The following LRBA variants were observed in gnomAD, a reference collection of about 807,000 sequenced individuals.
LRBA encodes the protein lipopolysaccharide-responsive and beige-like anchor protein.
In LRBA, 176 loss-of-function variants were observed where a neutral mutation model predicts 330.0. The observed-to-expected ratio is 0.53, with a 90% confidence interval of 0.47 to 0.60. The LOEUF is 0.60. Among genes scored for constraint, LRBA ranks in the 20% least tolerant of loss-of-function variants. The probability of loss-of-function intolerance (pLI) is 0.00; values close to 1 mark genes in which losing one functional copy is unlikely to be tolerated. For synonymous variants in LRBA, 1,230 were observed against 1,193.0 expected, an observed-to-expected ratio of 1.03 and a Z score of -0.64; for missense variants, 3,259 against 3,444.8, an observed-to-expected ratio of 0.95 and a Z score of 1.35.
chr4:150,949,614 C>T (rs1045631242), intron 2 of LRBA, among the ~76,000 whole-genome samples: 1 of 151,942 alleles, frequency 6.6e-6, no homozygotes, highest in African/African-American at 2.4e-5. Context: ...AATAGAAGAC[C>T]TAGTTTTAAA....
chr4:150,360,162 T>A (rs1006508835), intron 47 of LRBA, among the ~76,000 whole-genome samples: 10 of 151,850 alleles, frequency 6.6e-5, no homozygotes, highest in Admixed American at 1.3e-4. Flanking sequence ...TTATAAAAAA[T>A]TTTTTTTAAA....
At chr4:150,325,296 C>T (rs1284755806) in intron 49 of LRBA, among the ~76,000 whole-genome samples, 4 of 152,136 alleles carry the variant, frequency 2.6e-5, no homozygotes, top group African/African-American at 9.7e-5. Flanking sequence ...AAATACAATA[C>T]ATGATTGTTT....
At chr4:150,703,115 C>A (rs1011761955) in intron 36 of LRBA, among the ~76,000 whole-genome samples, 1 of 152,132 alleles carries the variant, frequency 6.6e-6, no homozygotes. Flanking sequence ...GAGCCAAGAT[C>A]GCACCACTAC....
intron 17 of LRBA, among the ~76,000 whole-genome samples, chr4:150,886,818 C>T (rs1012619130): frequency 6.6e-6 from 1 of 152,108 alleles, no homozygotes; most frequent in Non-Finnish European, 1.5e-5. Flanking sequence ...GAAGATTACG[C>T]AACATACAAA....
intron 47 of LRBA, among the ~76,000 whole-genome samples, chr4:150,358,937 A>C (rs1419838066): frequency 1.3e-5 from 2 of 152,226 alleles, no homozygotes; most frequent in East Asian, 3.9e-4. Flanking sequence ...AAAAACAAGG[A>C]GCTGTCTGCA....
chr4:150,582,861 G>A (rs1172371459), intron 40 of LRBA: 2 of 648,702 alleles, frequency 3.1e-6, no homozygotes, highest in African/African-American at 1.8e-5. Flanking sequence ...AAAACAAGCC[G>A]GCTACGGTAT....
rs1747244370 is a variant in LRBA at position 150,279,574 on chromosome 4, AATC to A, written c.8317-1573_8317-1571del. ...TCACTGTTTGACATATCTTTTAAAA[AATC>A]ATAGAAAGGCAAAGACTTTCTTAGC... is the stretch of plus-strand genomic sequence containing the variant. On this transcript the variant is annotated intron_variant, in intron 55 of 56. Coordinates refer to ENST00000651943, the MANE Select transcript of LRBA (RefSeq NM_001364905.1). Among the ~76,000 whole-genome samples, 7 of 152,354 alleles carry A rather than the reference AATC, an allele frequency of 4.6e-5. No individual in the cohort carries two copies. In the South Asian group the frequency reaches 1.4e-3, roughly 32 times the overall value.
intron 40 of LRBA, among the ~76,000 whole-genome samples, chr4:150,520,580 T>C (rs1762819554): frequency 6.6e-6 from 1 of 152,164 alleles, no homozygotes; most frequent in Admixed American, 6.5e-5. Flanking sequence ...ATGTGGTACA[T>C]ATACACCATG....
intron 22 of LRBA, among the ~76,000 whole-genome samples, chr4:150,864,245 C>T (rs878867575): frequency 1.3e-5 from 2 of 151,910 alleles, no homozygotes; most frequent in Admixed American, 6.6e-5. Flanking sequence ...CAACACTTTA[C>T]ATTCTTAAAA....
At chr4:150,788,702 A>C (rs1226770296) in intron 34 of LRBA, among the ~76,000 whole-genome samples, 1 of 151,484 alleles carries the variant, frequency 6.6e-6, no homozygotes, top group Non-Finnish European at 1.5e-5. Flanking sequence ...CAGAGGTTGC[A>C]GTGAGCAGAG....
At position 150,921,305 on chromosome 4, in the gene LRBA, AT is replaced by A. The variant is rs1375085381; in HGVS notation, c.550-13del. 2 of 1,517,484 alleles carry A rather than the reference AT, an allele frequency of 1.3e-6. No individual in the cohort carries two copies. The highest frequency in any genetic ancestry group is 2.3e-5 in the South Asian group (2 of 88,778). The allele number at this position is 1,517,484 out of a possible 1,614,324, so 94.0% of individuals were successfully genotyped here. Reference sequence around the variant, plus strand: ...CCAGCATGTGGAGGCTATGAAGATAATTAACAATTCATTAACCACATTATTT... The same window carrying A: ...CCAGCATGTGGAGGCTATGAAGATAATAACAATTCATTAACCACATTATTT... On this transcript the variant is annotated splice_polypyrimidine_tract_variant and intron_variant, in intron 4 of 56. Transcript: ENST00000651943.
At chr4:150,642,063 A>T (rs186041349) in intron 37 of LRBA, among the ~76,000 whole-genome samples, 1 of 152,170 alleles carries the variant, frequency 6.6e-6, no homozygotes, top group African/African-American at 2.4e-5. Flanking sequence ...TTAATACAGT[A>T]TTCTAAGTTT....
intron 36 of LRBA, among the ~76,000 whole-genome samples, chr4:150,702,201 C>A (rs1236007517): frequency 6.6e-6 from 1 of 152,064 alleles, no homozygotes; most frequent in Non-Finnish European, 1.5e-5. Flanking sequence ...GTATTTTAAC[C>A]ACTAAATGAG....
chr4:150,914,906 T>C (rs1051159984), intron 8 of LRBA, among the ~76,000 whole-genome samples: 15 of 152,254 alleles, frequency 9.9e-5, no homozygotes, highest in African/African-American at 3.6e-4. Context: ...GAGGTATGAA[T>C]ATTTTATGTC....
At chr4:150,385,123 CATT>C (rs1213315133) in intron 47 of LRBA, among the ~76,000 whole-genome samples, 1 of 152,164 alleles carries the variant, frequency 6.6e-6, no homozygotes, top group East Asian at 1.9e-4. Context: ...GTATTCGAAT[CATT>C]GTATGTAAAA....
rs1745068801 is a variant in LRBA at position 150,264,540 on chromosome 4, A to C, written c.*1182T>G. On this transcript the variant is annotated 3_prime_UTR_variant, in exon 57 of 57. Transcript: ENST00000651943. Reference sequence around the variant, plus strand: ...TTCAATTACAGATGCCATTTTATTCAGCTTTTTCTGTCAAACTGAATTGTT... The same window carrying C: ...TTCAATTACAGATGCCATTTTATTCCGCTTTTTCTGTCAAACTGAATTGTT... The C allele has an allele frequency of 6.6e-6, 1 of 152,274 alleles. No homozygotes were observed. Among genetic ancestry groups the C allele is most frequent in the South Asian group, 2.1e-4 (1 of 4,834 alleles). 9.4% of individuals were successfully genotyped at this position (152,274 alleles called of 1,614,324 possible).
At position 150,850,739 on chromosome 4, in the gene LRBA, A is replaced by G. The variant is rs781639504; in HGVS notation, c.3989T>C (p.Ile1330Thr). The change falls in exon 24 of 57, where the codon ATA becomes ACA. Residue 1330 changes from isoleucine (I) to threonine (T), a missense_variant. Physicochemically the swap from Ile to Thr is moderately conservative, Grantham distance 89. Transcript: ENST00000651943. ...ATAGACAAACCTTCTCCACATCTGT[A>G]TATCTGTTTCTATTGAAAATAATAG... ...TDLLFSIETDIQMWRSHSTKT... is the reference protein window; with the variant it reads ...TDLLFSIETDTQMWRSHSTKT... 9.9e-6 allele frequency: 16 copies of G among 1,610,742 alleles called. No homozygotes were observed. The highest frequency in any genetic ancestry group is 5.0e-5 in the Admixed American group (3 of 59,870).
intron 40 of LRBA, among the ~76,000 whole-genome samples, chr4:150,508,385 C>T (rs766614512): frequency 1.3e-4 from 20 of 151,822 alleles, no homozygotes; most frequent in Admixed American, 4.6e-4. Context: ...TGGGTTCAGA[C>T]GATTCTCCTG....
chr4:150,393,977 A>C (rs1744369500), intron 47 of LRBA, among the ~76,000 whole-genome samples: 1 of 152,228 alleles, frequency 6.6e-6, no homozygotes, highest in African/African-American at 2.4e-5. Context: ...ATGCCCTTGT[A>C]AGAAATGCAG....
Sources: gnomAD v4.1 joint callset for allele counts (sites outside exome capture counted in the v4.1 genomes callset) on GRCh38, gnomAD v4.1.1 for gene constraint, MANE v1.5 for transcripts, NCBI Gene and HGNC (gene_info 2026-07-23, HGNC 2026-07-21) for gene names.